NEURL1: variants seen among roughly 807,000 people sequenced by gnomAD.
The protein encoded by NEURL1 is neuralized E3 ubiquitin protein ligase 1.
NEURL1 carries 26 observed loss-of-function variants against 41.2 expected under a neutral mutation model. That is an observed-to-expected ratio of 0.63 (90% CI 0.46 to 0.87). The LOEUF is 0.87. Among genes scored for constraint, NEURL1 ranks in the 40% least tolerant of loss-of-function variants. NEURL1 has a pLI of 0.00. For missense variants in NEURL1, 761 were observed against 871.1 expected (o/e 0.87, Z 1.59); for synonymous variants, 400 against 402.3 (o/e 0.99, Z 0.07).
chr10:103,556,040 C>A lies in NEURL1; in HGVS notation c.86-14832C>A, dbSNP rs1324208245. ...CGGGTGTGCAAGTGACAGCACCCCA[C>A]AGCGCCTGACCTCGCTTCTCCAAGT... On this transcript the variant is annotated intron_variant, in intron 1 of 5. Transcript: ENST00000369780. The surrounding 1 kb of genome is among the most constrained non-coding windows in gnomAD (Gnocchi z 4.4). 6.6e-6 allele frequency among the ~76,000 whole-genome samples: 1 copy of A among 152,244 alleles called. No individual in the cohort carries two copies. The highest frequency in any genetic ancestry group is 2.4e-5 in the African/African-American group (1 of 41,466).
intron 3 of NEURL1, among the ~76,000 whole-genome samples, chr10:103,576,316 G>T (rs547152027): frequency 8.9e-6 from 1 of 112,260 alleles, no homozygotes. Flanking sequence ...GGTCAGACAG[G>T]GGGGTGTCCA....
chr10:103,585,352 C>A, intron 4 of NEURL1, 127 bp downstream of exon 4: 1 of 874,198 alleles, frequency 1.1e-6, no homozygotes, highest in Non-Finnish European at 1.7e-6. Context: ...TCACAGACAC[C>A]TAAGGTGAGT....
intron 3 of NEURL1, among the ~76,000 whole-genome samples, chr10:103,576,205 G>T (rs1300892558): frequency 6.6e-6 from 1 of 152,244 alleles, no homozygotes; most frequent in South Asian, 2.1e-4. Flanking sequence ...TGGGAGGGGA[G>T]TGCAGCTAGA....
At chr10:103,551,337 C>G (rs1368586994) in intron 1 of NEURL1, among the ~76,000 whole-genome samples, 1 of 137,042 alleles carries the variant, frequency 7.3e-6, no homozygotes, top group Non-Finnish European at 1.5e-5. Flanking sequence ...GAGTCTCGCT[C>G]TGTCGCCCAG....
intron 1 of NEURL1, among the ~76,000 whole-genome samples, chr10:103,563,452 C>T (rs1295463815): frequency 6.6e-6 from 1 of 152,070 alleles, no homozygotes; most frequent in African/African-American, 2.4e-5. Context: ...GTGCCTCGCC[C>T]CACCGCCCAG....
rs1473532707 is a variant in NEURL1 at position 103,585,017 on chromosome 10, G to A, written c.1131G>A (p.Leu377=). The A allele has an allele frequency of 6.3e-7, 1 of 1,581,512 alleles. No homozygotes were observed. The highest frequency in any genetic ancestry group is 2.3e-5 in the East Asian group (1 of 43,778). The change falls in exon 4 of 6, where the codon CTG becomes CTA. Residue 377 remains leucine (L), a synonymous_variant. Coordinates refer to ENST00000369780, the MANE Select transcript of NEURL1 (RefSeq NM_004210.5). ...ACCTGCCTTTCAGCCCTGAGGCCCT[G>A]GTGGACCGCAAGGAATTCTGGGCCG... ...PADLPFSPEA[L]VDRKEFWAVC... is the part of the protein sequence containing the mutation.
At chr10:103,543,252 C>T (rs1387593592) in intron 1 of NEURL1, among the ~76,000 whole-genome samples, 2 of 152,158 alleles carry the variant, frequency 1.3e-5, no homozygotes, top group Admixed American at 6.5e-5. Flanking sequence ...CACTCTGGCT[C>T]CCCCATGTTC....
rs773906810 is a variant in NEURL1 at position 103,494,357 on chromosome 10, G to A, written c.-31G>A. The A allele has an allele frequency of 1.4e-5, 22 of 1,550,554 alleles. No homozygotes were observed. Among genetic ancestry groups the A allele is most frequent in the Admixed American group, 1.9e-5 (1 of 52,278 alleles). On this transcript the variant is annotated 5_prime_UTR_variant, in exon 1 of 6. Transcript: ENST00000369780. ...CGCCTGCCCGGCCTCGCCCCCACCC[G>A]CGAGCGCCGAACCTCCTGGGGCCGG... is the stretch of plus-strand genomic sequence containing the variant.
At chr10:103,530,948 C>T (rs1411362663) in intron 1 of NEURL1, among the ~76,000 whole-genome samples, 3 of 152,072 alleles carry the variant, frequency 2.0e-5, no homozygotes, top group Admixed American at 1.3e-4. Context: ...TTTGCCTGGG[C>T]GTGGTGGCTT....
intron 1 of NEURL1, among the ~76,000 whole-genome samples, chr10:103,526,996 A>G (rs2034473737): frequency 6.6e-6 from 1 of 151,814 alleles, no homozygotes; most frequent in African/African-American, 2.4e-5. Flanking sequence ...GCTACTGCAT[A>G]GACAGAGCAG....
At chr10:103,587,148 A>G (rs1354210956) in intron 4 of NEURL1, among the ~76,000 whole-genome samples, 4 of 152,226 alleles carry the variant, frequency 2.6e-5, no homozygotes, top group Non-Finnish European at 5.9e-5. Context: ...TGGAATAAAA[A>G]GAAATTAGGC....
chr10:103,574,013 G>T (rs943050411), intron 3 of NEURL1, among the ~76,000 whole-genome samples: 2 of 152,182 alleles, frequency 1.3e-5, no homozygotes, highest in African/African-American at 4.8e-5. Flanking sequence ...TCACTCAGTC[G>T]GGCTGCTCTC....
chr10:103,556,258 G>A lies in NEURL1; in HGVS notation c.86-14614G>A, dbSNP rs965341734. Among the ~76,000 whole-genome samples, 1 of 152,194 alleles carries A rather than the reference G, an allele frequency of 6.6e-6. No homozygotes were observed. The highest frequency in any genetic ancestry group is 2.4e-5 in the African/African-American group (1 of 41,448). On this transcript the variant is annotated intron_variant, in intron 1 of 5. Transcript: ENST00000369780. This position sits in a 1 kb window ranked among gnomAD's most constrained non-coding sequence, Gnocchi z 4.4. Reference sequence around the variant, plus strand: ...GCTCTAGTACTGTGGTCTTGGGAGCGCCATGGCCGATGTGGCAGCAGACCC... The same window carrying A: ...GCTCTAGTACTGTGGTCTTGGGAGCACCATGGCCGATGTGGCAGCAGACCC...
In NEURL1 at chr10:103,494,341, G is replaced by A. The variant is rs768869383; in HGVS notation, c.-47G>A. 2.7e-6 allele frequency: 4 copies of A among 1,506,282 alleles called. No homozygotes were observed. The highest frequency in any genetic ancestry group is 1.4e-5 in the African/African-American group (1 of 71,150). The allele number at this position is 1,506,282 out of a possible 1,614,324, so 93.3% of individuals were successfully genotyped here. On this transcript the variant is annotated 5_prime_UTR_variant, in exon 1 of 6. Coordinates refer to ENST00000369780, the MANE Select transcript of NEURL1 (RefSeq NM_004210.5). ...GCACACCGCACCTCAGCGCCTGCCCGGCCTCGCCCCCACCCGCGAGCGCCG... is the reference window on the plus strand; with the variant it reads ...GCACACCGCACCTCAGCGCCTGCCCAGCCTCGCCCCCACCCGCGAGCGCCG...
rs2035149421 is a variant in NEURL1 at position 103,556,136 on chromosome 10, A to G, written c.86-14736A>G. The stretch of plus-strand genomic sequence containing the variant: ...CACGTCCACAGTCAGACAGACCCAC[A>G]GCCTGGAGCTGGAGGGGTTAAAGAG... On this transcript the variant is annotated intron_variant, in intron 1 of 5. Transcript: ENST00000369780. This position sits in a 1 kb window ranked among gnomAD's most constrained non-coding sequence, Gnocchi z 4.4. Among the ~76,000 whole-genome samples the G allele has an allele frequency of 1.3e-5, 2 of 152,370 alleles. No individual in the cohort carries two copies. The highest frequency in any genetic ancestry group is 4.1e-4 in the South Asian group (2 of 4,830).
At chr10:103,524,991 G>A (rs75812111) in intron 1 of NEURL1, among the ~76,000 whole-genome samples, 1,964 of 152,210 alleles carry the variant, frequency 0.013, 36 homozygotes, top group African/African-American at 0.044. Context: ...GTATTTTGTT[G>A]TGAGTTGCAT....
intron 1 of NEURL1, among the ~76,000 whole-genome samples, chr10:103,499,874 T>G (rs1324475237): frequency 6.6e-6 from 1 of 152,152 alleles, no homozygotes; most frequent in East Asian, 1.9e-4. Flanking sequence ...CCTCCTTCGA[T>G]GCTGCCGGAG....
chr10:103,547,035 C>T (rs763631419), intron 1 of NEURL1, among the ~76,000 whole-genome samples: 14 of 152,210 alleles, frequency 9.2e-5, no homozygotes, highest in African/African-American at 2.2e-4. Context: ...CACATACTAG[C>T]GCTTCCCATG....
At chr10:103,534,524 C>G (rs1283158721) in intron 1 of NEURL1, among the ~76,000 whole-genome samples, 4 of 152,174 alleles carry the variant, frequency 2.6e-5, no homozygotes, top group Non-Finnish European at 4.4e-5. Flanking sequence ...TTCAGCTGCA[C>G]TGGACATCAG....
Sources: allele counts gnomAD v4.1 joint callset (sites outside exome capture counted in the v4.1 genomes callset), GRCh38; gene constraint gnomAD v4.1.1; non-coding constraint Gnocchi (gnomAD v3.1); transcripts MANE v1.5; gene names NCBI Gene and HGNC (gene_info 2026-07-23, HGNC 2026-07-21).